CLUAP1: variants seen among roughly 807,000 people sequenced by gnomAD.
CLUAP1 encodes the protein intraflagellar transport 38, also known as clusterin-associated protein 1.
Under a neutral mutation model 55.0 loss-of-function variants are expected in CLUAP1, and 50 were observed. That is an observed-to-expected ratio of 0.91 (90% CI 0.72 to 1.15). The LOEUF (loss-of-function observed/expected upper bound fraction) is 1.15. CLUAP1 is among the 50% of genes most tolerant of loss of function. CLUAP1 has a pLI of 0.00. For missense variants in CLUAP1, 530 were observed against 507.6 expected (o/e 1.04, Z -0.42); for synonymous variants, 195 against 175.4 (o/e 1.11, Z -0.88).
intron 6 of CLUAP1, 72 bp downstream of exon 6, chr16:3,515,663 A>G (rs928585160): frequency 4.9e-6 from 5 of 1,027,534 alleles, no homozygotes; most frequent in Non-Finnish European, 7.1e-6. Context: ...TTGCCCATAC[A>G]AGACAGAACA....
chr16:3,511,584 A>G (rs2037625780), intron 4 of CLUAP1, among the ~76,000 whole-genome samples: 2 of 152,206 alleles, frequency 1.3e-5, no homozygotes, highest in African/African-American at 4.8e-5. Flanking sequence ...TGTGTCCCTC[A>G]GGCTGTCCCT....
chr16:3,536,215 C>T lies in CLUAP1; in HGVS notation c.1186C>T (p.Pro396Ser). Residue 396 changes from proline (P) to serine (S), a missense_variant, in exon 12 of 12, where the codon CCC (proline) becomes TCC (serine). By Grantham distance (74) the Pro-to-Ser change is moderately conservative. Transcript: ENST00000576634. ...GAGCATTTCTCTCTCACCAACCAAG[C>T]CCAATCGAAGGGTCCGGAAATCTGA... ...DESISLSPTK[P>S]NRRVRKSEPL... The T allele has an allele frequency of 1.2e-6, 2 of 1,614,152 alleles. No individual in the cohort carries two copies. The highest frequency in any genetic ancestry group is 1.1e-5 in the South Asian group (1 of 91,084).
chr16:3,508,529 G>A (rs879797305), intron 4 of CLUAP1, 61 bp downstream of exon 4: 19 of 1,419,538 alleles, frequency 1.3e-5, no homozygotes, highest in African/African-American at 6.0e-5. Flanking sequence ...GCTCTGAAGT[G>A]GAAGGAGTCT....
At chr16:3,532,345 A>G (rs1043344798) in intron 10 of CLUAP1, among the ~76,000 whole-genome samples, 1 of 144,140 alleles carries the variant, frequency 6.9e-6, no homozygotes, top group Non-Finnish European at 1.5e-5. Context: ...AAATTCTCCT[A>G]TATTTGCCTT....
intron 7 of CLUAP1, among the ~76,000 whole-genome samples, chr16:3,521,464 C>T (rs1359492153): frequency 1.4e-5 from 2 of 143,564 alleles, no homozygotes; most frequent in Admixed American, 7.0e-5. Flanking sequence ...GTTGGAGTTT[C>T]GCTCTTGTTG....
rs2038251825 is a variant in CLUAP1, at chr16:3,537,280, A to G, written c.*1009A>G. ...TTAAAAAAACAACAACACAGGATTG[A>G]ATTAAGTAGAGTAATAGCACTAGAA... is the stretch of plus-strand genomic sequence containing the variant. On this transcript the variant is annotated 3_prime_UTR_variant, in exon 12 of 12. Coordinates refer to ENST00000576634, the MANE Select transcript of CLUAP1 (RefSeq NM_015041.3). The G allele has an allele frequency of 6.6e-6, 1 of 152,220 alleles. No individual in the cohort carries two copies. Among genetic ancestry groups the G allele is most frequent in the Admixed American group, 6.5e-5 (1 of 15,280 alleles). 9.4% of individuals were successfully genotyped at this position (152,220 alleles called of 1,614,324 possible).
rs752197699 is a variant in CLUAP1, at chr16:3,536,294, C to T, written c.*23C>T. The T allele has an allele frequency of 1.2e-6, 2 of 1,610,456 alleles. No individual in the cohort carries two copies. The highest frequency in any genetic ancestry group is 1.7e-5 in the Admixed American group (1 of 59,552). ...TGACCCTTTTGCCAAGGGACCCTGGCAGATTAAAACCCTCAGACTTGTAGG... is the reference window on the plus strand; with the variant it reads ...TGACCCTTTTGCCAAGGGACCCTGGTAGATTAAAACCCTCAGACTTGTAGG... On this transcript the variant is annotated 3_prime_UTR_variant, in exon 12 of 12. Coordinates refer to ENST00000576634, the MANE Select transcript of CLUAP1 (RefSeq NM_015041.3).
intron 4 of CLUAP1, among the ~76,000 whole-genome samples, chr16:3,509,099 A>G (rs925974873): frequency 5.3e-5 from 8 of 152,072 alleles, no homozygotes; most frequent in Admixed American, 3.9e-4. Context: ...TTTACCAAAA[A>G]AAAGAAAAAA....
chr16:3,515,582 A>G lies in CLUAP1; in HGVS notation c.570A>G (p.Lys190=), dbSNP rs747338456. 1 of 1,588,268 alleles carries G rather than the reference A, an allele frequency of 6.3e-7. No homozygotes were observed. Among genetic ancestry groups the G allele is most frequent in the Admixed American group, 1.9e-5 (1 of 52,012 alleles). ...AAAAAGTGATGAGAATTGCAATAAA[A>G]GAGATTTTGGTAAGATGACTTTGCT... is the stretch of plus-strand genomic sequence containing the variant. ...ETEKVMRIAI[K]EILTQVQKTK... Residue 190 remains lysine (K), a synonymous_variant, in exon 6 of 12, where the codon AAA becomes AAG. Coordinates refer to ENST00000576634, the MANE Select transcript of CLUAP1 (RefSeq NM_015041.3).
intron 7 of CLUAP1, among the ~76,000 whole-genome samples, 190 bp downstream of exon 7, chr16:3,520,226 C>T (rs1342084218): frequency 1.3e-5 from 2 of 151,542 alleles, no homozygotes; most frequent in African/African-American, 4.9e-5. Flanking sequence ...TTAAAAATTA[C>T]CTCAGTATGG....
At chr16:3,496,275 G>GA (rs2037308400), upstream of CLUAP1, 1 of 768,752 alleles carries the variant, frequency 1.3e-6, no homozygotes, top group African/African-American at 1.7e-5. Flanking sequence ...ATATCTAACT[G>GA]AGGCTGTTTG....
chr16:3,500,480 C>T (rs1414463862), upstream of CLUAP1, among the ~76,000 whole-genome samples: 1 of 148,944 alleles, frequency 6.7e-6, no homozygotes, highest in South Asian at 2.1e-4. Context: ...AGTAATTCTT[C>T]TGCCTCAGCC....
intron 4 of CLUAP1, 27 bp downstream of exon 4, chr16:3,508,495 G>C (rs2037553373): frequency 6.6e-7 from 1 of 1,516,284 alleles, no homozygotes; most frequent in African/African-American, 1.4e-5. Context: ...CCTTGTAGTG[G>C]GCGATGGAGC....
chr16:3,506,652 G>A (rs2037512897), intron 3 of CLUAP1, among the ~76,000 whole-genome samples: 1 of 151,884 alleles, frequency 6.6e-6, no homozygotes, highest in Non-Finnish European at 1.5e-5. Flanking sequence ...AGAGGCACAC[G>A]CCACCACACC....
In CLUAP1 at chr16:3,538,738, C is replaced by G. The variant is rs535738918; in HGVS notation, c.*2467C>G. The G allele has an allele frequency of 6.6e-6, 1 of 152,152 alleles. No homozygotes were observed. Among genetic ancestry groups the G allele is most frequent in the Non-Finnish European group, 1.5e-5 (1 of 68,024 alleles). 9.4% of individuals were successfully genotyped at this position (152,152 alleles called of 1,614,324 possible). ...TGTATAGCACTGCCTTGCTTGAGCACGGAAGTTTCTGTCAACAGCAAGCTT... is the reference window on the plus strand; with the variant it reads ...TGTATAGCACTGCCTTGCTTGAGCAGGGAAGTTTCTGTCAACAGCAAGCTT... On this transcript the variant is annotated 3_prime_UTR_variant, in exon 12 of 12. Transcript: ENST00000576634.
At chr16:3,527,804 C>T (rs1024368087) in intron 9 of CLUAP1, among the ~76,000 whole-genome samples, 2 of 152,124 alleles carry the variant, frequency 1.3e-5, no homozygotes, top group Non-Finnish European at 2.9e-5. Context: ...TCTCTCTCCT[C>T]TCTGTCTCTC....
chr16:3,496,552 G>C (rs557810909), upstream of CLUAP1: 65 of 548,550 alleles, frequency 1.2e-4, no homozygotes, highest in Admixed American at 2.3e-4. Flanking sequence ...TCCTCAGGGT[G>C]GGGGCCAAGA....
Position 3,532,801 on chromosome 16 carries a change from G to A in CLUAP1, c.1052G>A (p.Arg351His), listed in dbSNP as rs2038152734. ...TTGTTCTCAGGAAGACCTGGCAAAC[G>A]CATTGTGGGCACGATGCAAGGTGGA... Reference protein sequence around the residue: ...EMLMQGRPGKRIVGTMQGGDS... With the variant: ...EMLMQGRPGKHIVGTMQGGDS... The change falls in exon 11 of 12, where the codon CGC (arginine) becomes CAC (histidine). Residue 351 changes from arginine (R) to histidine (H), a missense_variant. By Grantham distance (29) the Arg-to-His change is conservative. Coordinates refer to ENST00000576634, the MANE Select transcript of CLUAP1 (RefSeq NM_015041.3). 5.0e-6 allele frequency: 8 copies of A among 1,614,046 alleles called. No homozygotes were observed. The highest frequency in any genetic ancestry group is 4.2e-6 in the Non-Finnish European group (5 of 1,180,000).
At chr16:3,523,000 A>G (rs2037870640) in intron 7 of CLUAP1, among the ~76,000 whole-genome samples, 158 bp from the exon 8 acceptor site, 1 of 152,218 alleles carries the variant, frequency 6.6e-6, no homozygotes, top group South Asian at 2.1e-4. Context: ...GGGAGAAAGC[A>G]GAAAAGGGAA....
Sources: allele counts gnomAD v4.1 joint callset (sites outside exome capture counted in the v4.1 genomes callset), GRCh38; gene constraint gnomAD v4.1.1; transcripts MANE v1.5; gene names NCBI Gene and HGNC (gene_info 2026-07-23, HGNC 2026-07-21).